CACNA1D: variants seen among roughly 807,000 people sequenced by gnomAD.
The protein encoded by CACNA1D is voltage-dependent L-type calcium channel subunit alpha-1D.
CACNA1D carries 55 observed loss-of-function variants against 257.1 expected under a neutral mutation model. The ratio of observed to expected loss-of-function variants is 0.21; its 90% CI spans 0.17 to 0.27. The LOEUF is 0.27. Ranked by LOEUF, CACNA1D falls within the 10% of genes least tolerant of loss-of-function variation. CACNA1D has a pLI of 1.00. For missense variants in CACNA1D, 1,876 were observed against 2,784.0 expected, an observed-to-expected ratio of 0.67 and a Z score of 7.34; for synonymous variants, 980 against 1,014.9, an observed-to-expected ratio of 0.97 and a Z score of 0.65.
chr3:53,667,965 C>T (rs2094285861), intron 7 of CACNA1D, among the ~76,000 whole-genome samples: 1 of 152,018 alleles, frequency 6.6e-6, no homozygotes, highest in South Asian at 2.1e-4. Flanking sequence ...GCAGGAGGGC[C>T]CTCAGGTTAG....
intron 40 of CACNA1D, among the ~76,000 whole-genome samples, chr3:53,788,552 T>G (rs2095468314): frequency 6.6e-6 from 1 of 152,212 alleles, no homozygotes; most frequent in Non-Finnish European, 1.5e-5. Context: ...AAGTCTCTGG[T>G]CCATCCATCC....
intron 3 of CACNA1D, among the ~76,000 whole-genome samples, chr3:53,553,605 A>G (rs1413314466): frequency 6.6e-6 from 1 of 152,174 alleles, no homozygotes; most frequent in African/African-American, 2.4e-5. Flanking sequence ...TAGTTGTTAC[A>G]TTTGCAATTT....
At chr3:53,755,836 C>T (rs1164320336) in intron 29 of CACNA1D, among the ~76,000 whole-genome samples, 3 of 152,098 alleles carry the variant, frequency 2.0e-5, no homozygotes, top group African/African-American at 7.2e-5. Context: ...TTGGTGTTCA[C>T]AAGCCCAGCC....
At chr3:53,703,026 G>A (rs1244219135) in intron 9 of CACNA1D, among the ~76,000 whole-genome samples, 1 of 152,214 alleles carries the variant, frequency 6.6e-6, no homozygotes, top group Non-Finnish European at 1.5e-5. Flanking sequence ...GTTGTATTTG[G>A]TAAGGTGGCT....
chr3:53,787,096 G>A (rs2095457906), intron 40 of CACNA1D, 144 bp downstream of exon 40: 2 of 832,622 alleles, frequency 2.4e-6, no homozygotes, highest in East Asian at 5.5e-5. Context: ...CCCCAAATGT[G>A]GACTAGCCAT....
At position 53,810,150 on chromosome 3, in the gene CACNA1D, G is replaced by C. The variant is rs766889110; in HGVS notation, c.6044G>C (p.Ser2015Thr). Residue 2015 changes from serine to threonine, a missense_variant, in exon 47 of 48, where the codon AGC becomes ACC. Physicochemically the swap from Ser to Thr is moderately conservative, Grantham distance 58 (BLOSUM62 1). Coordinates refer to ENST00000350061, the MANE Select transcript of CACNA1D (RefSeq NM_001128840.3). ...QSEALDQVNG[S>T]LPSLHRSSWY... is the part of the protein sequence containing the mutation. ...GAGGCCCTGGACCAGGTGAACGGCA[G>C]CCTGCCGTCCCTGCACCGCAGCTCC... 6.2e-7 allele frequency: 1 copy of C among 1,613,986 alleles called. No individual in the cohort carries two copies. Among genetic ancestry groups the C allele is most frequent in the South Asian group, 1.1e-5 (1 of 91,082 alleles).
intron 3 of CACNA1D, among the ~76,000 whole-genome samples, chr3:53,600,347 A>G (rs1401107454): frequency 6.6e-6 from 1 of 152,240 alleles, no homozygotes; most frequent in Non-Finnish European, 1.5e-5. Flanking sequence ...AGGCATTCAT[A>G]TAGTTGCTTT....
intron 8 of CACNA1D, among the ~76,000 whole-genome samples, chr3:53,694,646 A>AG (rs535273173): frequency 2.0e-5 from 3 of 152,198 alleles, no homozygotes; most frequent in Non-Finnish European, 2.9e-5. Context: ...TGAGCAGCCC[A>AG]GGGGGCAGTG....
intron 3 of CACNA1D, among the ~76,000 whole-genome samples, chr3:53,587,483 A>G (rs1190493266): frequency 6.6e-6 from 1 of 152,084 alleles, no homozygotes; most frequent in Admixed American, 6.5e-5. Flanking sequence ...GCATGGACTC[A>G]TTTTGGGACA....
At chr3:53,713,543 T>TGTGTGTGA (rs377132134) in intron 9 of CACNA1D, among the ~76,000 whole-genome samples, 2,772 of 120,918 alleles carry the variant, frequency 0.023, 57 homozygotes, top group African/African-American at 0.054. Context: ...TGTGTGTGTG[T>TGTGTGTGA]GAGAGATTTG....
Position 53,665,654 on chromosome 3 carries a change from T to C in CACNA1D, c.767-6T>C. ...TCACAAACTTATTTTTTTTTGTCTT[T>C]CCTAGGTTTACAAGTTGTCCTGAAC... is the stretch of plus-strand genomic sequence containing the variant. On this transcript the variant is annotated splice_region_variant and splice_polypyrimidine_tract_variant and intron_variant, in intron 5 of 47. Transcript: ENST00000350061. 3 of 1,612,372 alleles carry C rather than the reference T, an allele frequency of 1.9e-6. No homozygotes were observed. The highest frequency in any genetic ancestry group is 1.1e-5 in the South Asian group (1 of 91,018).
chr3:53,745,565 T>G, intron 23 of CACNA1D, 59 bp from the exon 24 acceptor site: 5 of 1,049,164 alleles, frequency 4.8e-6, no homozygotes, highest in African/African-American at 1.6e-5. Context: ...CGGCTGATGT[T>G]AGCTCACCTC....
chr3:53,802,052 A>C (rs2095538891), intron 42 of CACNA1D, 95 bp from the exon 43 acceptor site: 1 of 1,094,448 alleles, frequency 9.1e-7, no homozygotes. Flanking sequence ...GCTAACCCCT[A>C]CTCTAGGAGG....
chr3:53,757,032 G>A (rs984483373), intron 29 of CACNA1D, among the ~76,000 whole-genome samples: 1 of 152,172 alleles, frequency 6.6e-6, no homozygotes, highest in Non-Finnish European at 1.5e-5. Flanking sequence ...ATTAGGTTTG[G>A]GGAAAGAAGA....
chr3:53,638,860 T>A (rs1011745679), intron 3 of CACNA1D, among the ~76,000 whole-genome samples: 4 of 152,230 alleles, frequency 2.6e-5, no homozygotes, highest in Admixed American at 1.3e-4. Flanking sequence ...AGATGGGTCC[T>A]CGGTTTGCTG....
intron 40 of CACNA1D, among the ~76,000 whole-genome samples, chr3:53,790,411 A>G (rs1230854348): frequency 6.6e-6 from 1 of 152,248 alleles, no homozygotes; most frequent in African/African-American, 2.4e-5. Flanking sequence ...TTCTTTTAAC[A>G]TTCAAGAATT....
intron 3 of CACNA1D, among the ~76,000 whole-genome samples, chr3:53,604,768 A>G (rs1047264465): frequency 2.6e-5 from 4 of 152,350 alleles, no homozygotes; most frequent in African/African-American, 9.6e-5. Context: ...AGGAGGGGAC[A>G]GACTCTGACC....
chr3:53,758,759 G>A (rs2095282321), intron 29 of CACNA1D, among the ~76,000 whole-genome samples: 1 of 152,226 alleles, frequency 6.6e-6, no homozygotes, highest in South Asian at 2.1e-4. Flanking sequence ...GGTTCCACTT[G>A]AGAGGTTCTG....
chr3:53,731,391 C>T (rs575087739), intron 17 of CACNA1D, among the ~76,000 whole-genome samples: 2 of 152,262 alleles, frequency 1.3e-5, no homozygotes, highest in Admixed American at 1.3e-4. Flanking sequence ...CTAGTTTGAC[C>T]ACTTATGTTT....
Sources: allele counts gnomAD v4.1 joint callset (sites outside exome capture counted in the v4.1 genomes callset), GRCh38; gene constraint gnomAD v4.1.1; transcripts MANE v1.5; gene names NCBI Gene and HGNC (gene_info 2026-07-23, HGNC 2026-07-21).